PLCB1: variants seen among roughly 807,000 people sequenced by gnomAD.
PLCB1 encodes the protein 1-phosphatidylinositol 4,5-bisphosphate phosphodiesterase beta-1.
PLCB1 carries 46 observed loss-of-function variants against 161.8 expected under a neutral mutation model. That is an observed-to-expected ratio of 0.28 (90% CI 0.22 to 0.36). The LOEUF (loss-of-function observed/expected upper bound fraction) is 0.36. Among genes scored for constraint, PLCB1 ranks in the 10% least tolerant of loss-of-function variants. The probability of loss-of-function intolerance (pLI) is 1.00; values close to 1 mark genes in which losing one functional copy is unlikely to be tolerated. For synonymous variants in PLCB1, 517 were observed against 503.7 expected (o/e 1.03, Z -0.35); for missense variants, 1,016 against 1,472.5 (o/e 0.69, Z 5.07).
intron 3 of PLCB1, among the ~76,000 whole-genome samples, chr20:8,455,715 G>A (rs1426210868): frequency 1.3e-5 from 2 of 152,132 alleles, no homozygotes; most frequent in Non-Finnish European, 2.9e-5. Flanking sequence ...TTATCTGAGA[G>A]TAGTCTTTTT....
intron 3 of PLCB1, among the ~76,000 whole-genome samples, chr20:8,479,958 G>A (rs1437953712): frequency 6.6e-6 from 1 of 152,170 alleles, no homozygotes; most frequent in Non-Finnish European, 1.5e-5. Context: ...TCCTTGAGCT[G>A]AGCACTACAT....
At chr20:8,644,687 C>G (rs1448308278) in intron 4 of PLCB1, among the ~76,000 whole-genome samples, 1 of 150,102 alleles carries the variant, frequency 6.7e-6, no homozygotes, top group Non-Finnish European at 1.5e-5. Flanking sequence ...GGCAGCCGCC[C>G]CGTCCGGGAG....
Position 8,511,374 on chromosome 20 carries a change from GATGA to G in PLCB1, c.247-116916_247-116913del, listed in dbSNP as rs1166541188. On this transcript the variant is annotated intron_variant, in intron 3 of 31. Coordinates refer to ENST00000338037, the MANE Select transcript of PLCB1 (RefSeq NM_015192.4). ...ACATTTCTTTATCCATTCATTAACT[GATGA>G]ATGGAGATAAATATATATAAAACAT... Among the ~76,000 whole-genome samples, 6 of 152,118 alleles carry G rather than the reference GATGA, an allele frequency of 3.9e-5. No homozygotes were observed. In the East Asian group the frequency reaches 1.2e-3, roughly 29 times the overall value.
intron 3 of PLCB1, among the ~76,000 whole-genome samples, chr20:8,490,797 T>C (rs956556039): frequency 1.3e-5 from 2 of 151,768 alleles, no homozygotes; most frequent in African/African-American, 4.8e-5. Flanking sequence ...TTTATGCTGA[T>C]TTTAGGAGAA....
intron 3 of PLCB1, among the ~76,000 whole-genome samples, chr20:8,499,417 A>G (rs925434236): frequency 3.9e-5 from 6 of 152,220 alleles, no homozygotes; most frequent in Admixed American, 2.6e-4. Flanking sequence ...AGAAAATCAA[A>G]TAACTATATA....
chr20:8,871,994 G>A (rs575105011), intron 31 of PLCB1, among the ~76,000 whole-genome samples: 1 of 152,234 alleles, frequency 6.6e-6, no homozygotes, highest in East Asian at 1.9e-4. Flanking sequence ...AGCTGAGCAA[G>A]GTCATATTTC....
chr20:8,374,541 G>A (rs1049371960), intron 3 of PLCB1, among the ~76,000 whole-genome samples: 1 of 152,296 alleles, frequency 6.6e-6, no homozygotes, highest in Non-Finnish European at 1.5e-5. Flanking sequence ...GTCATATGGG[G>A]TGGCCCAAAA....
At chr20:8,221,260 A>G (rs541363757) in intron 2 of PLCB1, among the ~76,000 whole-genome samples, 1 of 152,268 alleles carries the variant, frequency 6.6e-6, no homozygotes, top group East Asian at 1.9e-4. Context: ...TTTCATTTTG[A>G]TTCAGGACTC....
intron 2 of PLCB1, among the ~76,000 whole-genome samples, chr20:8,362,156 T>C (rs1986564420): frequency 6.6e-6 from 1 of 152,172 alleles, no homozygotes; most frequent in African/African-American, 2.4e-5. Context: ...GCCTGTAATA[T>C]ATAAGAACTG....
chr20:8,766,773 G>C (rs978342579), intron 26 of PLCB1, among the ~76,000 whole-genome samples: 3 of 152,154 alleles, frequency 2.0e-5, no homozygotes, highest in African/African-American at 7.2e-5. Context: ...TTAGGTGCAG[G>C]TTCTGCTCCA....
chr20:8,723,696 C>T (rs1979771740), intron 15 of PLCB1, among the ~76,000 whole-genome samples: 1 of 152,098 alleles, frequency 6.6e-6, no homozygotes. Context: ...ACAAATGAGT[C>T]AAGTGAGGCA....
At chr20:8,393,438 G>A (rs13040576) in intron 3 of PLCB1, among the ~76,000 whole-genome samples, 23,008 of 152,064 alleles carry the variant, frequency 0.15, 2,243 homozygotes, top group Non-Finnish European at 0.21. Context: ...TTGGAAGGCC[G>A]AAGCAGGAGG....
At chr20:8,685,183 G>A (rs1990329489) in intron 10 of PLCB1, 105 bp downstream of exon 10, 1 of 1,106,204 alleles carries the variant, frequency 9.0e-7, no homozygotes, top group Non-Finnish European at 1.3e-6. Context: ...TCCATTTCCT[G>A]CGAAGTGCCT....
chr20:8,209,880 C>A (rs1225969739), intron 2 of PLCB1, among the ~76,000 whole-genome samples: 1 of 152,082 alleles, frequency 6.6e-6, no homozygotes, highest in African/African-American at 2.4e-5. Context: ...CTCTGTTACC[C>A]ATGCTAGAGT....
chr20:8,143,139 C>T (rs984104004), intron 1 of PLCB1, among the ~76,000 whole-genome samples: 2 of 152,146 alleles, frequency 1.3e-5, no homozygotes, highest in African/African-American at 4.8e-5. Context: ...ACAATGTTCC[C>T]CAGTCCCTTT....
intron 2 of PLCB1, among the ~76,000 whole-genome samples, chr20:8,241,611 A>T (rs1302713766): frequency 6.6e-6 from 1 of 151,922 alleles, no homozygotes; most frequent in Non-Finnish European, 1.5e-5. Context: ...TATGTATGTT[A>T]TCTAATCTAT....
At chr20:8,668,712 C>A (rs1394962469) in intron 9 of PLCB1, among the ~76,000 whole-genome samples, 1 of 152,182 alleles carries the variant, frequency 6.6e-6, no homozygotes, top group Admixed American at 6.5e-5. Flanking sequence ...AATTCTTAGG[C>A]CTTTCCAGCC....
At chr20:8,371,090 A>G (rs1986888742) in intron 2 of PLCB1, 2 of 321,226 alleles carry the variant, frequency 6.2e-6, no homozygotes, top group South Asian at 1.2e-4. Flanking sequence ...ATTCAAAAGT[A>G]AGAACAAGAA....
intron 11 of PLCB1, among the ~76,000 whole-genome samples, chr20:8,706,993 G>C (rs1013395510): frequency 5.3e-5 from 8 of 152,180 alleles, no homozygotes; most frequent in Non-Finnish European, 1.0e-4. Flanking sequence ...AAGTCGGTTT[G>C]AATCCAAAGC....
Sources: allele counts gnomAD v4.1 joint callset (sites outside exome capture counted in the v4.1 genomes callset), GRCh38; gene constraint gnomAD v4.1.1; transcripts MANE v1.5; gene names NCBI Gene and HGNC (gene_info 2026-07-23, HGNC 2026-07-21).